The following NYX variants were observed in gnomAD, a reference collection of about 807,000 sequenced individuals.
NYX encodes the protein nyctalopin, also known as leucine-rich repeat protein.
For synonymous variants in NYX, 258 were observed against 245.7 expected, an observed-to-expected ratio of 1.05 and a Z score of -0.47; for missense variants, 481 against 485.4, an observed-to-expected ratio of 0.99 and a Z score of 0.09.
chrX:41,463,167 G>A (rs1356798689), intron 2 of NYX, among the ~76,000 whole-genome samples: 1 of 111,328 alleles, frequency 9.0e-6, no homozygotes, highest in Non-Finnish European at 1.9e-5. Context: ...TGTGAGGTAG[G>A]TGTTGAGATT....
At chrX:41,470,553 G>C (rs780351143) in intron 2 of NYX, among the ~76,000 whole-genome samples, 4 of 109,566 alleles carry the variant, frequency 3.7e-5, no homozygotes, top group Non-Finnish European at 5.7e-5. Flanking sequence ...AATTAGCCGG[G>C]TGTGGTGGCA....
chrX:41,470,691 T>C (rs1481630574), intron 2 of NYX, among the ~76,000 whole-genome samples: 3 of 30,036 alleles, frequency 1.0e-4, no homozygotes, highest in Non-Finnish European at 1.8e-4. Context: ...GAGGACTCTG[T>C]CTCAAAAAAA....
intron 2 of NYX, among the ~76,000 whole-genome samples, chrX:41,466,240 G>A (rs906327941): frequency 3.6e-5 from 4 of 110,525 alleles, no homozygotes; most frequent in Admixed American, 1.9e-4. Context: ...GACCAGCCTC[G>A]GCAACATAGT....
chrX:41,471,837 T>C (rs200022437), intron 2 of NYX, among the ~76,000 whole-genome samples: 3 of 42,115 alleles, frequency 7.1e-5, no homozygotes, highest in Non-Finnish European at 1.4e-4. Context: ...ATATGTATTT[T>C]TTTTTTTTTT....
intron 2 of NYX, among the ~76,000 whole-genome samples, chrX:41,453,973 C>T (rs776787676): frequency 3.6e-5 from 4 of 112,670 alleles, no homozygotes; most frequent in Non-Finnish European, 7.5e-5. Context: ...ACTAACTCTA[C>T]ATTACACTTT....
Position 41,466,436 on chromosome X carries a change from AT to A in NYX, c.23-7054del, listed in dbSNP as rs1446111973. On this transcript the variant is annotated intron_variant, in intron 2 of 2. Transcript: ENST00000378220. Reference sequence around the variant, plus strand: ...GAGACCCTGTCTAAAAAAATAAAAAATAAAAAAAAAATCCTGAGAGGAAAAA... The same window carrying A: ...GAGACCCTGTCTAAAAAAATAAAAAAAAAAAAAAAATCCTGAGAGGAAAAA... Among the ~76,000 whole-genome samples, 4 of 111,118 alleles carry A rather than the reference AT, an allele frequency of 3.6e-5. No homozygotes were observed. In the South Asian group the frequency reaches 1.5e-3, roughly 42 times the overall value.
intron 2 of NYX, chrX:41,472,421 AC>A (rs1569266712): frequency 8.8e-7 from 1 of 1,135,521 alleles, no homozygotes; most frequent in East Asian, 3.0e-5. Flanking sequence ...TGTGAAGCTC[AC>A]CTGATGACTC....
In NYX at chrX:41,473,539, G is replaced by C; in HGVS notation, c.71G>C (p.Arg24Pro). Residue 24 changes from arginine (R) to proline (P), a missense_variant, in exon 3 of 3, where the codon CGC becomes CCC. By Grantham distance (103) the Arg-to-Pro change is moderately radical (BLOSUM62 -2). Transcript: ENST00000378220. ...PSAWAVGACA[R>P]ACPAACACST... Reference sequence around the variant, plus strand: ...GCCTGGGCCGTGGGGGCCTGCGCCCGCGCTTGTCCCGCCGCCTGCGCCTGC... The same window carrying C: ...GCCTGGGCCGTGGGGGCCTGCGCCCCCGCTTGTCCCGCCGCCTGCGCCTGC... 1.0e-6 allele frequency: 1 copy of C among 1,004,658 alleles called. No individual in the cohort carries two copies. Among genetic ancestry groups the C allele is most frequent in the East Asian group, 4.4e-5 (1 of 22,536 alleles). 82.8% of individuals were successfully genotyped at this position (1,004,658 alleles called of 1,213,427 possible).
chrX:41,455,399 G>A (rs189693647), intron 2 of NYX, among the ~76,000 whole-genome samples: 11 of 110,606 alleles, frequency 9.9e-5, no homozygotes, highest in East Asian at 5.7e-4. Flanking sequence ...GAGTCACTGC[G>A]CCCAGCCTGA....
At chrX:41,448,392 G>A (rs7890704) in intron 2 of NYX, among the ~76,000 whole-genome samples, 27,102 of 106,640 alleles carry the variant, frequency 0.25, 2,766 homozygotes, top group East Asian at 0.43. Flanking sequence ...ACAGGTGCCC[G>A]CCACCACGCC....
At chrX:41,450,684 C>G (rs749057760) in intron 2 of NYX, among the ~76,000 whole-genome samples, 1 of 98,988 alleles carries the variant, frequency 1.0e-5, no homozygotes, top group East Asian at 3.2e-4. Flanking sequence ...CTCACTCTGT[C>G]GACCAGGCTG....
intron 2 of NYX, among the ~76,000 whole-genome samples, chrX:41,470,429 C>T (rs1025263748): frequency 9.0e-6 from 1 of 111,509 alleles, no homozygotes; most frequent in East Asian, 2.8e-4. Context: ...TGTGGTGGCT[C>T]ACACCTGTAA....
chrX:41,474,261 G>A lies in NYX; in HGVS notation c.793G>A (p.Ala265Thr), dbSNP rs1198911677. ...NLGGNALDRV[A>T]RAWFADLAEL... is the part of the protein sequence containing the mutation. ...GGGTGGCAACGCGCTGGACCGCGTG[G>A]CGCGCGCCTGGTTCGCTGACCTGGC... The change falls in exon 3 of 3, where the codon GCG becomes ACG. Residue 265 changes from alanine to threonine, a missense_variant. Transcript: ENST00000378220. 4 of 1,203,378 alleles carry A rather than the reference G, an allele frequency of 3.3e-6. No homozygotes were observed. In the African/African-American group the frequency reaches 6.9e-5, roughly 21 times the overall value.
rs774892814 is a variant in NYX at position 41,474,032 on chromosome X, C to T, written c.564C>T (p.Arg188=). 3.0e-5 allele frequency: 32 copies of T among 1,054,248 alleles called. No individual in the cohort carries two copies. Among genetic ancestry groups the T allele is most frequent in the Non-Finnish European group, 3.9e-5 (32 of 826,616 alleles). The allele number at this position is 1,054,248 out of a possible 1,213,427, so 86.9% of individuals were successfully genotyped here. ...CGCACGCGCACCTGGAGCGCGGCCG[C>T]ATCGAGGCGGTGGCCTCCAGCTCGC... ...NLTHAHLERG[R]IEAVASSSLQ... is the part of the protein sequence containing the mutation. The change falls in exon 3 of 3, where the codon CGC becomes CGT. Residue 188 remains arginine (R), a synonymous_variant. Coordinates refer to ENST00000378220, the MANE Select transcript of NYX (RefSeq NM_001378477.3).
intron 2 of NYX, among the ~76,000 whole-genome samples, chrX:41,462,369 A>C (rs2064323258): frequency 8.9e-6 from 1 of 111,931 alleles, no homozygotes; most frequent in South Asian, 3.7e-4. Context: ...TAAAGAAACA[A>C]CCTCATTGTT....
At chrX:41,452,261 T>G (rs1220883836) in intron 2 of NYX, among the ~76,000 whole-genome samples, 2 of 111,815 alleles carry the variant, frequency 1.8e-5, no homozygotes, top group Non-Finnish European at 3.8e-5. Flanking sequence ...CCAGAAATGT[T>G]CTAAGTCTTG....
intron 2 of NYX, among the ~76,000 whole-genome samples, chrX:41,448,391 C>T (rs182900827): frequency 1.2e-4 from 12 of 102,433 alleles, no homozygotes; most frequent in African/African-American, 3.9e-4. Flanking sequence ...TACAGGTGCC[C>T]GCCACCACGC....
chrX:41,461,731 G>A (rs768793585), intron 2 of NYX, among the ~76,000 whole-genome samples: 32 of 111,584 alleles, frequency 2.9e-4, no homozygotes, highest in African/African-American at 1.0e-3. Flanking sequence ...CATTCTTGCA[G>A]GAGTAAGGTG....
rs780392632 is a variant in NYX at position 41,447,904 on chromosome X, G to T, written c.-1G>T. 5 of 1,211,183 alleles carry T rather than the reference G, an allele frequency of 4.1e-6. No individual in the cohort carries two copies. In the Admixed American group the frequency reaches 1.1e-4, roughly 26 times the overall value. On this transcript the variant is annotated 5_prime_UTR_variant, in exon 2 of 3. Coordinates refer to ENST00000378220, the MANE Select transcript of NYX (RefSeq NM_001378477.3). ...CCACTGGGTGGATGAAAGGCCGAGG[G>T]ATGTTGGTCCTGCTTCTGCATGGTG...
Sources: gnomAD v4.1 joint callset for allele counts (sites outside exome capture counted in the v4.1 genomes callset) on GRCh38, gnomAD v4.1.1 for gene constraint, MANE v1.5 for transcripts, NCBI Gene and HGNC (gene_info 2026-07-23, HGNC 2026-07-21) for gene names.